SOX6: variants seen among roughly 807,000 people sequenced by gnomAD.
SOX6 encodes SRY-box transcription factor 6, also known as transcription factor SOX-6.
SOX6 carries 11 observed loss-of-function variants against 97.8 expected under a neutral mutation model. That is an observed-to-expected ratio of 0.11 (90% CI 0.07 to 0.19). The LOEUF is 0.19. SOX6 is among the 10% of genes least tolerant of loss of function. SOX6 has a pLI of 1.00. For synonymous variants in SOX6, 360 were observed against 371.4 expected (o/e 0.97, Z 0.35); for missense variants, 810 against 1,039.5 (o/e 0.78, Z 3.04).
chr11:16,167,901 C>A (rs1850927880), intron 6 of SOX6, among the ~76,000 whole-genome samples: 1 of 152,142 alleles, frequency 6.6e-6, no homozygotes, highest in Admixed American at 6.5e-5. Flanking sequence ...CCTGCCTCCC[C>A]ACAGTGGAAT....
intron 13 of SOX6, among the ~76,000 whole-genome samples, chr11:15,991,413 C>A (rs927789066): frequency 6.6e-6 from 1 of 152,192 alleles, no homozygotes; most frequent in South Asian, 2.1e-4. Context: ...GGAAGTGAAA[C>A]ACTCATTCAG....
At chr11:16,068,845 G>A (rs1009263249) in intron 9 of SOX6, among the ~76,000 whole-genome samples, 3 of 152,116 alleles carry the variant, frequency 2.0e-5, no homozygotes, top group African/African-American at 7.2e-5. Flanking sequence ...TGCAAATTAT[G>A]GAATTTCTTT....
intron 1 of SOX6, among the ~76,000 whole-genome samples, chr11:16,349,848 T>TA (rs1479765946): frequency 1.3e-5 from 2 of 152,160 alleles, no homozygotes; most frequent in African/African-American, 4.8e-5. Context: ...ATATGCCTGA[T>TA]ATGCCATTTT....
intron 4 of SOX6, among the ~76,000 whole-genome samples, chr11:16,527,975 T>C (rs755655311): frequency 6.6e-6 from 1 of 152,072 alleles, no homozygotes; most frequent in East Asian, 1.9e-4. Context: ...AAAATAAATA[T>C]TCATTTCTCA....
chr11:16,449,152 G>T (rs773143735), intron 1 of SOX6, among the ~76,000 whole-genome samples: 3 of 152,026 alleles, frequency 2.0e-5, no homozygotes, highest in Non-Finnish European at 4.4e-5. Flanking sequence ...GGCATAGGGT[G>T]GTAGAGTAAG....
Position 16,083,987 on chromosome 11 carries a change from G to T in SOX6, c.1101+12009C>A, listed in dbSNP as rs1349983. On this transcript the variant is annotated intron_variant, in intron 9 of 15. Transcript: ENST00000683767. ...ACAATCTCATTGCCTATTTGTGAAG[G>T]CTTTATTTTCAATAACATGACATTT... 2.5e-3 allele frequency among the ~76,000 whole-genome samples: 385 copies of T among 152,152 alleles called. 1 individual carries two copies. Among genetic ancestry groups the T allele is most frequent in the African/African-American group, 8.9e-3 (371 of 41,520 alleles).
intron 9 of SOX6, among the ~76,000 whole-genome samples, chr11:16,064,531 T>C (rs1325742430): frequency 6.7e-6 from 1 of 150,234 alleles, no homozygotes; most frequent in East Asian, 1.9e-4. Context: ...TATATATATA[T>C]ATATGAAGCC....
chr11:15,995,021 G>A (rs909940894), intron 13 of SOX6, among the ~76,000 whole-genome samples: 4 of 152,100 alleles, frequency 2.6e-5, no homozygotes, highest in African/African-American at 4.8e-5. Flanking sequence ...TGGCTAGAAT[G>A]CAAATAGAAA....
chr11:16,400,560 G>A (rs1294167156), intron 1 of SOX6, among the ~76,000 whole-genome samples: 1 of 151,438 alleles, frequency 6.6e-6, no homozygotes, highest in Non-Finnish European at 1.5e-5. Context: ...GGTATATGAT[G>A]TAGTGATTAA....
chr11:15,984,570 C>G (rs1315653837), intron 15 of SOX6, among the ~76,000 whole-genome samples: 2 of 152,190 alleles, frequency 1.3e-5, no homozygotes, highest in African/African-American at 2.4e-5. Flanking sequence ...CATAAATCCT[C>G]TAATTATCAG....
intron 4 of SOX6, among the ~76,000 whole-genome samples, chr11:16,231,051 T>C (rs917368087): frequency 5.9e-5 from 9 of 151,774 alleles, no homozygotes; most frequent in African/African-American, 2.2e-4. Context: ...AGATGTATTA[T>C]ATAGGTAAGT....
intron 3 of SOX6, among the ~76,000 whole-genome samples, chr11:16,619,460 C>A (rs1444915763): frequency 1.3e-5 from 2 of 151,708 alleles, no homozygotes; most frequent in Non-Finnish European, 2.9e-5. Flanking sequence ...CTAGAGAAAC[C>A]AAATAAATTC....
intron 4 of SOX6, among the ~76,000 whole-genome samples, chr11:16,225,937 T>G (rs994882805): frequency 6.6e-5 from 10 of 152,172 alleles, no homozygotes; most frequent in African/African-American, 2.2e-4. Context: ...AGTTCCTAAT[T>G]TTACTTCTTT....
chr11:16,577,075 T>C (rs756821529), intron 4 of SOX6: 4 of 152,176 alleles, frequency 2.6e-5, no homozygotes, highest in Non-Finnish European at 5.9e-5. Context: ...ACTCCCGTGC[T>C]GATCAAAATA....
In SOX6 at chr11:16,198,230, C is replaced by CT. The variant is rs71455880; in HGVS notation, c.536-11276dup. On this transcript the variant is annotated intron_variant, in intron 4 of 15. Coordinates refer to ENST00000683767, the MANE Select transcript of SOX6 (RefSeq NM_001367873.1). ...CACCACGCCCTGCTAATTTTTTTTTCTTTTTTTTTTTTTTTTTGTATTTTT... is the reference window on the plus strand; with the variant it reads ...CACCACGCCCTGCTAATTTTTTTTTCTTTTTTTTTTTTTTTTTTGTATTTTT... Among the ~76,000 whole-genome samples, 435 of 48,348 alleles carry CT rather than the reference C, an allele frequency of 9.0e-3. 1 individual carries two copies. The highest frequency in any genetic ancestry group is 0.025 in the African/African-American group (280 of 11,350). 31.7% of individuals were successfully genotyped at this position (48,348 alleles called of 152,430 possible).
chr11:16,162,589 C>A (rs940999366), intron 6 of SOX6, among the ~76,000 whole-genome samples: 2 of 152,152 alleles, frequency 1.3e-5, no homozygotes, highest in African/African-American at 2.4e-5. Context: ...GCCAGCTCCA[C>A]CTTTGACTTC....
chr11:16,351,764 C>T (rs1019527442), intron 1 of SOX6, among the ~76,000 whole-genome samples: 2 of 152,078 alleles, frequency 1.3e-5, no homozygotes, highest in African/African-American at 4.8e-5. Flanking sequence ...CTAAACACCT[C>T]TAATAAGATC....
chr11:16,206,753 A>G (rs531355605), intron 4 of SOX6, among the ~76,000 whole-genome samples: 22 of 152,314 alleles, frequency 1.4e-4, no homozygotes, highest in African/African-American at 5.1e-4. Flanking sequence ...AAAGTAGCGT[A>G]ATATAGAAAT....
chr11:16,349,438 G>GA (rs1179175851), intron 1 of SOX6, among the ~76,000 whole-genome samples: 1 of 2,500 alleles, frequency 4.0e-4, no homozygotes, highest in African/African-American at 4.3e-4. Flanking sequence ...CCAACAAGGT[G>GA]AAACCTGTCT....
Sources: gnomAD v4.1 joint callset for allele counts (sites outside exome capture counted in the v4.1 genomes callset) on GRCh38, gnomAD v4.1.1 for gene constraint, MANE v1.5 for transcripts, NCBI Gene and HGNC (gene_info 2026-07-23, HGNC 2026-07-21) for gene names.